CACNA2D3: variants seen among roughly 807,000 people sequenced by gnomAD.
CACNA2D3 encodes calcium voltage-gated channel auxiliary subunit alpha2delta 3.
A neutral mutation model predicts 160.6 loss-of-function variants in CACNA2D3; 60 were observed. The ratio of observed to expected loss-of-function variants is 0.37; its 90% CI spans 0.30 to 0.46. The LOEUF (loss-of-function observed/expected upper bound fraction) is 0.46. CACNA2D3 is among the 20% of genes least tolerant of loss of function. CACNA2D3 has a pLI of 1.00. For missense variants in CACNA2D3, 1,205 were observed against 1,365.0 expected (o/e 0.88, Z 1.85); for synonymous variants, 558 against 492.9 (o/e 1.13, Z -1.75).
chr3:54,239,086 G>A (rs976112348), intron 2 of CACNA2D3, among the ~76,000 whole-genome samples: 2 of 152,150 alleles, frequency 1.3e-5, no homozygotes, highest in African/African-American at 4.8e-5. Flanking sequence ...AAATAAGTGG[G>A]TGTCTGACCC....
At chr3:54,438,135 C>A (rs1368282019) in intron 4 of CACNA2D3, among the ~76,000 whole-genome samples, 1 of 152,134 alleles carries the variant, frequency 6.6e-6, no homozygotes, top group East Asian at 1.9e-4. Context: ...AGAGTCACTC[C>A]TTTATAATTA....
At chr3:54,787,435 TA>T (rs1371844074) in intron 13 of CACNA2D3, among the ~76,000 whole-genome samples, 1 of 152,204 alleles carries the variant, frequency 6.6e-6, no homozygotes, top group Non-Finnish European at 1.5e-5. Flanking sequence ...AACTGGAAGG[TA>T]GCTGTTCTAG....
intron 11 of CACNA2D3, among the ~76,000 whole-genome samples, chr3:54,701,667 T>G (rs1700769797): frequency 6.6e-6 from 1 of 152,196 alleles, no homozygotes; most frequent in African/African-American, 2.4e-5. Context: ...ATGGCCATAC[T>G]GCCCAAAGCA....
chr3:54,469,077 T>C (rs1302058842), intron 4 of CACNA2D3, among the ~76,000 whole-genome samples: 3 of 152,230 alleles, frequency 2.0e-5, no homozygotes, highest in African/African-American at 7.2e-5. Context: ...TGAGCTCTGC[T>C]AAGGGACAGA....
chr3:54,345,948 A>G (rs1698450519), intron 3 of CACNA2D3, among the ~76,000 whole-genome samples: 1 of 151,970 alleles, frequency 6.6e-6, no homozygotes, highest in African/African-American at 2.4e-5. Flanking sequence ...CACTTGTGTC[A>G]TGACATCTGT....
At chr3:54,697,472 AT>A (rs2106942332) in intron 11 of CACNA2D3, among the ~76,000 whole-genome samples, 1 of 152,200 alleles carries the variant, frequency 6.6e-6, no homozygotes, top group African/African-American at 2.4e-5. Context: ...AGCTTTTCTA[AT>A]CCTACAGTTT....
intron 27 of CACNA2D3, among the ~76,000 whole-genome samples, chr3:54,945,417 C>A (rs1575397706): frequency 6.6e-6 from 1 of 152,282 alleles, no homozygotes; most frequent in East Asian, 1.9e-4. Flanking sequence ...TTTGACCTCT[C>A]TCTCCTGTAT....
intron 4 of CACNA2D3, among the ~76,000 whole-genome samples, chr3:54,428,799 G>C (rs1699946048): frequency 6.6e-6 from 1 of 152,078 alleles, no homozygotes; most frequent in Non-Finnish European, 1.5e-5. Flanking sequence ...TCATTTCCTT[G>C]ATGCATTGGG....
chr3:54,761,533 C>G (rs2107088458), intron 12 of CACNA2D3, among the ~76,000 whole-genome samples: 1 of 152,306 alleles, frequency 6.6e-6, no homozygotes. Context: ...TAAAACCTGT[C>G]CTTTCCGACC....
chr3:54,299,865 T>G (rs1703434913), intron 2 of CACNA2D3, among the ~76,000 whole-genome samples: 1 of 152,226 alleles, frequency 6.6e-6, no homozygotes, highest in Non-Finnish European at 1.5e-5. Context: ...AATTGAAACC[T>G]GTAAGCGTTT....
intron 4 of CACNA2D3, among the ~76,000 whole-genome samples, chr3:54,448,519 C>G (rs1188791708): frequency 2.0e-5 from 3 of 152,160 alleles, no homozygotes; most frequent in African/African-American, 7.2e-5. Context: ...CTGGTTTCAC[C>G]CAAAACACTG....
chr3:54,718,265 C>T (rs973034034), intron 11 of CACNA2D3, among the ~76,000 whole-genome samples: 8 of 152,122 alleles, frequency 5.3e-5, no homozygotes, highest in Admixed American at 4.6e-4. Flanking sequence ...TTGATCTTTT[C>T]CTTTATGGAC....
Position 54,650,409 on chromosome 3 carries a change from TG to T in CACNA2D3, c.1167+8170del, listed in dbSNP as rs374615696. Among the ~76,000 whole-genome samples the T allele has an allele frequency of 3.6e-3, 554 of 152,144 alleles. 4 individuals are homozygous for T. The highest frequency in any genetic ancestry group is 0.013 in the African/African-American group (530 of 41,500). On this transcript the variant is annotated intron_variant, in intron 11 of 37. Transcript: ENST00000474759. ...CAGAGTCTTGCTGTGTTGCCCAGGC[TG>T]GAGTGTAGTGGTGCATGTTCTTGAC...
intron 25 of CACNA2D3, chr3:54,894,769 T>A (rs1575536990): frequency 2.3e-6 from 1 of 432,134 alleles, no homozygotes; most frequent in South Asian, 1.6e-5. Flanking sequence ...GCGAAAGAAA[T>A]GAAAAGGCTA....
chr3:54,644,362 G>C (rs1699590525), intron 11 of CACNA2D3, among the ~76,000 whole-genome samples: 1 of 152,074 alleles, frequency 6.6e-6, no homozygotes, highest in African/African-American at 2.4e-5. Flanking sequence ...CAAGTTAACT[G>C]CAGTCTTTCT....
chr3:55,005,112 C>T (rs1166604875), intron 32 of CACNA2D3, among the ~76,000 whole-genome samples: 1 of 151,940 alleles, frequency 6.6e-6, no homozygotes, highest in Non-Finnish European at 1.5e-5. Context: ...CCTGTCTCTA[C>T]TAAAAATACA....
intron 4 of CACNA2D3, among the ~76,000 whole-genome samples, chr3:54,436,997 G>C (rs780963115): frequency 1.2e-4 from 18 of 152,302 alleles, no homozygotes; most frequent in Non-Finnish European, 2.4e-4. Context: ...CATTAGAAGT[G>C]GTAGAACATC....
chr3:54,602,701 C>G (rs759362093), intron 9 of CACNA2D3, among the ~76,000 whole-genome samples: 2 of 152,022 alleles, frequency 1.3e-5, no homozygotes, highest in Non-Finnish European at 2.9e-5. Context: ...TGTGGGGTGC[C>G]TTCAAAAGAG....
At chr3:54,788,273 A>G (rs1016100519) in intron 13 of CACNA2D3, among the ~76,000 whole-genome samples, 11 of 152,138 alleles carry the variant, frequency 7.2e-5, no homozygotes, top group African/African-American at 2.2e-4. Flanking sequence ...CTGTTCCTCA[A>G]TATAGCCTGT....
Sources: allele counts gnomAD v4.1 joint callset (sites outside exome capture counted in the v4.1 genomes callset), GRCh38; gene constraint gnomAD v4.1.1; transcripts MANE v1.5; gene names NCBI Gene and HGNC (gene_info 2026-07-23, HGNC 2026-07-21).